The following RPGRIP1L variants were observed in gnomAD, a reference collection of about 807,000 sequenced individuals.
RPGRIP1L encodes RPGRIP1 like, also known as protein fantom.
In RPGRIP1L, 131 loss-of-function variants were observed where a neutral mutation model predicts 160.4. The ratio of observed to expected loss-of-function variants is 0.82; its 90% CI spans 0.71 to 0.94. RPGRIP1L has a LOEUF of 0.94. Among genes scored for constraint, RPGRIP1L ranks in the 40% least tolerant of loss-of-function variants. RPGRIP1L has a pLI of 0.00. For missense variants in RPGRIP1L, 1,522 were observed against 1,535.8 expected (o/e 0.99, Z 0.15); for synonymous variants, 510 against 515.8 (o/e 0.99, Z 0.15).
In RPGRIP1L at chr16:53,641,378, T is replaced by A. The variant is rs1966210816; in HGVS notation, c.2781A>T (p.Ile927=). The change falls in exon 18 of 27, where the codon ATA becomes ATT. Residue 927 remains isoleucine (I), a synonymous_variant. Coordinates refer to ENST00000647211, the MANE Select transcript of RPGRIP1L (RefSeq NM_015272.5). ...KFAYLPPSGS[I]TTEDLGNFIR... ...TGAAATTTCCTAAGTCTTCAGTTGT[T>A]ATTGATCCACTTGGTGGAAGGTAAG... 1.9e-6 allele frequency: 3 copies of A among 1,614,116 alleles called. No individual in the cohort carries two copies. Among genetic ancestry groups the A allele is most frequent in the Non-Finnish European group, 2.5e-6 (3 of 1,179,964 alleles).
Position 53,637,560 on chromosome 16 carries a change from T to G in RPGRIP1L, c.3220+135A>C. 3 of 772,192 alleles carry G rather than the reference T, an allele frequency of 3.9e-6. 1 individual carries two copies. The South Asian group carries it at 4.9e-5, about 13-fold the overall frequency. 47.8% of individuals were successfully genotyped at this position (772,192 alleles called of 1,614,324 possible). On this transcript the variant is annotated intron_variant, in intron 21 of 26. Coordinates refer to ENST00000647211, the MANE Select transcript of RPGRIP1L (RefSeq NM_015272.5). ...CAACTAAGAAGATGGAACTATATTCTATCATTTCTGTCAAGAAACAGGTAT... is the reference window on the plus strand; with the variant it reads ...CAACTAAGAAGATGGAACTATATTCGATCATTTCTGTCAAGAAACAGGTAT...
intron 9 of RPGRIP1L, among the ~76,000 whole-genome samples, chr16:53,665,372 A>G (rs1459135804): frequency 1.3e-5 from 2 of 152,224 alleles, no homozygotes; most frequent in Non-Finnish European, 2.9e-5. Context: ...TCTCTCCCAC[A>G]TACAAACCTC....
rs1239394391 is a variant in RPGRIP1L at position 53,703,838 on chromosome 16, T to G, written c.-43A>C. The G allele has an allele frequency of 2.2e-6, 1 of 464,690 alleles. No homozygotes were observed. The highest frequency in any genetic ancestry group is 4.0e-6 in the Non-Finnish European group (1 of 251,658). 28.8% of individuals were successfully genotyped at this position (464,690 alleles called of 1,614,324 possible). ...GCCCTGCAGCTAGCTACCGTTGCTA[T>G]AGCGCCGACAGCGTGGCGGGCGGCT... On this transcript the variant is annotated 5_prime_UTR_variant, in exon 1 of 27. Coordinates refer to ENST00000647211, the MANE Select transcript of RPGRIP1L (RefSeq NM_015272.5).
intron 12 of RPGRIP1L, 43 bp downstream of exon 12, chr16:53,658,371 T>A: frequency 7.1e-7 from 1 of 1,414,092 alleles, no homozygotes; most frequent in Non-Finnish European, 1.0e-6. Flanking sequence ...GCTGAAACAG[T>A]TGTATGCAGA....
At chr16:53,650,196 A>G (rs1309351464) in intron 15 of RPGRIP1L, among the ~76,000 whole-genome samples, 2 of 152,096 alleles carry the variant, frequency 1.3e-5, no homozygotes, top group Non-Finnish European at 2.9e-5. Flanking sequence ...CACCCTCATG[A>G]GTAGGATTGG....
intron 3 of RPGRIP1L, among the ~76,000 whole-genome samples, chr16:53,692,986 T>C (rs904757078): frequency 6.6e-6 from 1 of 152,240 alleles, no homozygotes; most frequent in African/African-American, 2.4e-5. Flanking sequence ...ATTTTAATGC[T>C]ATCTTTAAAT....
intron 4 of RPGRIP1L, among the ~76,000 whole-genome samples, chr16:53,689,961 T>C (rs949463462): frequency 6.6e-6 from 1 of 152,172 alleles, no homozygotes; most frequent in Non-Finnish European, 1.5e-5. Context: ...AATTTCGCTA[T>C]AGGGAGAAAC....
At chr16:53,684,396 T>C (rs1411032944) in intron 6 of RPGRIP1L, among the ~76,000 whole-genome samples, 4 of 152,190 alleles carry the variant, frequency 2.6e-5, no homozygotes, top group Non-Finnish European at 4.4e-5. Context: ...ATATACACCA[T>C]GGAATACTAT....
chr16:53,692,424 T>C, intron 3 of RPGRIP1L, 60 bp from the exon 4 acceptor site: 1 of 1,494,780 alleles, frequency 6.7e-7, no homozygotes, highest in Non-Finnish European at 9.3e-7. Context: ...ATCCATTCTG[T>C]TGAAAGGAAC....
rs112234097 is a variant in RPGRIP1L, at chr16:53,632,245, A to T, written c.3294+4194T>A. Among the ~76,000 whole-genome samples the T allele has an allele frequency of 2.0e-3, 311 of 152,354 alleles. 2 individuals are homozygous for T. The highest frequency in any genetic ancestry group is 3.0e-3 in the Non-Finnish European group (207 of 68,038). On this transcript the variant is annotated intron_variant, in intron 22 of 26. Transcript: ENST00000647211. ...TTAAATTGCTTACACAGTATATCAG[A>T]TAATTCAAATTCACAGTGTAACTGG...
rs1307589856 is a variant in RPGRIP1L at position 53,692,280 on chromosome 16, A to T, written c.315T>A (p.Asp105Glu). The change falls in exon 4 of 27, where the codon GAT (aspartate) becomes GAA (glutamate). Residue 105 changes from aspartate to glutamate, a missense_variant. By Grantham distance (45) the Asp-to-Glu change is conservative. Coordinates refer to ENST00000647211, the MANE Select transcript of RPGRIP1L (RefSeq NM_015272.5). Reference protein sequence around the residue: ...VGGGPKRLGRDVEMEEMIEQL... With the variant: ...VGGGPKRLGREVEMEEMIEQL... ...GCTCAATCATTTCTTCCATTTCCAC[A>T]TCTCGTCCCAGCCGCTTGGGGCCGC... The T allele has an allele frequency of 6.2e-7, 1 of 1,614,020 alleles. No homozygotes were observed.
At chr16:53,667,049 C>T (rs1420167056) in intron 9 of RPGRIP1L, among the ~76,000 whole-genome samples, 1 of 152,156 alleles carries the variant, frequency 6.6e-6, no homozygotes, top group African/African-American at 2.4e-5. Context: ...AAGGGCTGTA[C>T]ACATGATTAA....
chr16:53,605,209 C>T lies in RPGRIP1L; in HGVS notation c.3835+272G>A, dbSNP rs574120007. ...AAATCCAATGGCCAACTTTTTTTCACGCCTTCACTCAATACTAACAAATGA... is the reference window on the plus strand; with the variant it reads ...AAATCCAATGGCCAACTTTTTTTCATGCCTTCACTCAATACTAACAAATGA... On this transcript the variant is annotated intron_variant, in intron 26 of 26. Transcript: ENST00000647211. Among the ~76,000 whole-genome samples, 5 of 151,406 alleles carry T rather than the reference C, an allele frequency of 3.3e-5. No individual in the cohort carries two copies. In the South Asian group the frequency reaches 1.0e-3, roughly 32 times the overall value.
chr16:53,640,543 A>T (rs958652466), intron 19 of RPGRIP1L, among the ~76,000 whole-genome samples: 10 of 152,134 alleles, frequency 6.6e-5, no homozygotes, highest in African/African-American at 2.4e-4. Flanking sequence ...GTAAAGTTGG[A>T]GGCAAGCTAG....
chr16:53,703,490 T>A (rs1971676351), intron 1 of RPGRIP1L: 1 of 155,254 alleles, frequency 6.4e-6, no homozygotes, highest in African/African-American at 2.4e-5. Flanking sequence ...ATGAGCAAAC[T>A]GTGTTAGGGA....
intron 24 of RPGRIP1L, among the ~76,000 whole-genome samples, chr16:53,613,176 T>C (rs1964161904): frequency 6.6e-6 from 1 of 152,244 alleles, no homozygotes; most frequent in Non-Finnish European, 1.5e-5. Flanking sequence ...TTTGGATTGT[T>C]TCCACCTTTG....
In RPGRIP1L at chr16:53,687,885, C is replaced by G; in HGVS notation, c.610G>C (p.Ala204Pro). The G allele has an allele frequency of 6.2e-7, 1 of 1,607,868 alleles. No individual in the cohort carries two copies. Among genetic ancestry groups the G allele is most frequent in the Non-Finnish European group, 8.5e-7 (1 of 1,174,774 alleles). Residue 204 changes from alanine (A) to proline (P), a missense_variant, in exon 5 of 27, where the codon GCC becomes CCC. Transcript: ENST00000647211. The part of the protein sequence containing the change: ...TKYGNSLLEE[A>P]RGEIRNLENV... ...TACAAATTTCTTATTTCTCCTCTGG[C>G]TTCTTCAAGTAAACTGTTGCCATAT...
Position 53,692,254 on chromosome 16 carries a change from T to TG in RPGRIP1L, c.340dup (p.Gln114ProfsTer8). ...AAGCTCATGAACTTTCTCTTGCAGC[T>TG]GCTCAATCATTTCTTCCATTTCCAC... On this transcript the variant is annotated frameshift_variant, in exon 4 of 27. Transcript: ENST00000647211. LOFTEE classifies it high-confidence loss of function. 6.2e-7 allele frequency: 1 copy of TG among 1,614,230 alleles called. No homozygotes were observed. The highest frequency in any genetic ancestry group is 8.5e-7 in the Non-Finnish European group (1 of 1,180,034).
intron 14 of RPGRIP1L, among the ~76,000 whole-genome samples, chr16:53,656,197 C>A (rs1157472296): frequency 6.6e-6 from 1 of 152,100 alleles, no homozygotes; most frequent in Non-Finnish European, 1.5e-5. Context: ...CAGTGTCTCA[C>A]GCCTGTAATC....
Sources: gnomAD v4.1 joint callset for allele counts (sites outside exome capture counted in the v4.1 genomes callset) on GRCh38, gnomAD v4.1.1 for gene constraint, MANE v1.5 for transcripts, NCBI Gene and HGNC (gene_info 2026-07-23, HGNC 2026-07-21) for gene names.